Variants in NPIPA5 observed in about 807,000 individuals in gnomAD.
NPIPA5 encodes nuclear pore complex-interacting protein family member A5.
A neutral mutation model predicts 21.4 loss-of-function variants in NPIPA5; 6 were observed. That is an observed-to-expected ratio of 0.28 (90% confidence interval 0.15 to 0.55). NPIPA5 has a LOEUF of 0.55. Ranked by LOEUF, NPIPA5 falls within the 20% of genes least tolerant of loss-of-function variation. The probability of loss-of-function intolerance (pLI) is 0.93; values close to 1 mark genes in which losing one functional copy is unlikely to be tolerated. For synonymous variants in NPIPA5, 33 were observed against 115.3 expected, an observed-to-expected ratio of 0.29 and a Z score of 4.57; for missense variants, 99 against 318.2, an observed-to-expected ratio of 0.31 and a Z score of 5.24.
intron 2 of NPIPA5, among the ~76,000 whole-genome samples, chr16:15,372,688 C>T (rs1175433719): frequency 6.9e-6 from 1 of 145,752 alleles, no homozygotes; most frequent in Non-Finnish European, 1.5e-5. Context: ...TTCCTCTTCC[C>T]TTGAATATCA....
chr16:15,379,985 CTGTG>C (rs370938234), upstream of NPIPA5, among the ~76,000 whole-genome samples: 1,243 of 143,540 alleles, frequency 8.7e-3, 6 homozygotes, highest in Non-Finnish European at 0.013. Context: ...GTGTGTGTGT[CTGTG>C]TGTGTGTGTG....
upstream of NPIPA5, chr16:15,380,832 A>G (rs1050271806): frequency 3.3e-6 from 2 of 608,110 alleles, no homozygotes. Flanking sequence ...GAGACTGCGT[A>G]AGCTTCCCCC....
At chr16:15,379,744 A>C (rs1011550933), upstream of NPIPA5, among the ~76,000 whole-genome samples, 1 of 152,066 alleles carries the variant, frequency 6.6e-6, no homozygotes, top group Non-Finnish European at 1.5e-5. Context: ...TTAGGGGTTG[A>C]CACGAGCCTG....
At chr16:15,368,432 G>A (rs4090618) in intron 4 of NPIPA5, among the ~76,000 whole-genome samples, 1 of 152,102 alleles carries the variant, frequency 6.6e-6, no homozygotes, top group African/African-American at 2.4e-5. Context: ...CTAGGTCTCA[G>A]TTCATTGCTA....
chr16:15,363,691 G>C lies in NPIPA5; in HGVS notation c.1021C>G (p.His341Asp). ...PPECVCSLPF[H>D]PQRMIISRN The stretch of plus-strand genomic sequence containing the variant: ...CTTGAGATTATCATCCGCTGAGGGT[G>C]GAAGGGGAGTGAGCAGACACACTCG... Residue 341 changes from histidine to aspartate, a missense_variant, in exon 8 of 8, where the codon CAC (histidine) becomes GAC (aspartate). Physicochemically the swap from His to Asp is moderately conservative, Grantham distance 81. Around this residue, in one of 5 missense-constraint regions of NPIPA5, gnomAD observed 75 missense variants for 138.5 expected, o/e 0.54. Transcript: ENST00000360151. 6.7e-7 allele frequency: 1 copy of C among 1,495,230 alleles called. No individual in the cohort carries two copies. Among genetic ancestry groups the C allele is most frequent in the Non-Finnish European group, 9.0e-7 (1 of 1,116,430 alleles). 92.6% of individuals were successfully genotyped at this position (1,495,230 alleles called of 1,614,324 possible). A position where few individuals can be genotyped will look rare whatever the true frequency, so the allele number is the denominator to read the frequency against.
chr16:15,368,287 A>G (rs1365719386), intron 4 of NPIPA5, among the ~76,000 whole-genome samples: 76 of 150,810 alleles, frequency 5.0e-4, no homozygotes, highest in Non-Finnish European at 1.6e-4. Flanking sequence ...ATCAGAATAG[A>G]GGTGGACAGG....
At chr16:15,376,922 C>T (rs1401168472) in intron 1 of NPIPA5, among the ~76,000 whole-genome samples, 15 of 151,928 alleles carry the variant, frequency 9.9e-5, no homozygotes, top group South Asian at 2.1e-4. Flanking sequence ...TGCAGTGAGC[C>T]GAGATCTTGC....
rs542159076 is a variant in NPIPA5, at chr16:15,369,440, T to G, written c.437+272A>C. 7.6e-4 allele frequency among the ~76,000 whole-genome samples: 110 copies of G among 144,564 alleles called. 2 individuals carry two copies. The highest frequency in any genetic ancestry group is 2.6e-3 in the African/African-American group (99 of 38,440). 94.8% of individuals were successfully genotyped at this position (144,564 alleles called of 152,430 possible). On this transcript the variant is annotated intron_variant, in intron 4 of 7. Coordinates refer to ENST00000360151, the MANE Select transcript of NPIPA5 (RefSeq NM_001277325.2). Reference sequence around the variant, plus strand: ...ACGGCCTGGGCAACAAGAGCAAAGCTCCGTCTCAGGAAAAAAAAAAAAAGA... The same window carrying G: ...ACGGCCTGGGCAACAAGAGCAAAGCGCCGTCTCAGGAAAAAAAAAAAAAGA...
upstream of NPIPA5, among the ~76,000 whole-genome samples, chr16:15,380,400 A>G (rs2050411560): frequency 6.6e-6 from 1 of 151,372 alleles, no homozygotes; most frequent in Non-Finnish European, 1.5e-5. Flanking sequence ...TCGGCCCACT[A>G]AAACCTCCAC....
chr16:15,363,721 G>A lies in NPIPA5; in HGVS notation c.991C>T (p.Pro331Ser). ...GGGAGTGAGCAGACACACTCGGGAG[G>A]TGTCTTGAGATTATCATCCGCTGAG... Reference protein sequence around the residue: ...PPSADDNLKTPPECVCSLPFH... With the variant: ...PPSADDNLKTSPECVCSLPFH... The change falls in exon 8 of 8, where the codon CCT becomes TCT. Residue 331 changes from proline (P) to serine (S), a missense_variant. Transcript: ENST00000360151. 1.6e-5 allele frequency: 23 copies of A among 1,433,652 alleles called. No homozygotes were observed. Among genetic ancestry groups the A allele is most frequent in the Non-Finnish European group, 2.0e-5 (22 of 1,079,068 alleles). 88.8% of individuals were successfully genotyped at this position (1,433,652 alleles called of 1,614,324 possible).
chr16:15,369,253 C>T (rs1214214622), intron 4 of NPIPA5, among the ~76,000 whole-genome samples: 6 of 147,502 alleles, frequency 4.1e-5, no homozygotes, highest in East Asian at 2.1e-4. Context: ...GTCAGAAGTT[C>T]GAGACCAGTC....
intron 4 of NPIPA5, among the ~76,000 whole-genome samples, 168 bp from the exon 5 acceptor site, chr16:15,366,928 A>AT (rs764521829): frequency 0.014 from 2,167 of 152,130 alleles, 28 homozygotes; most frequent in Non-Finnish European, 0.023. Flanking sequence ...CCATTGAGGG[A>AT]TAAAAAAAAA....
At chr16:15,376,386 G>C (rs1360537217) in intron 1 of NPIPA5, among the ~76,000 whole-genome samples, 1 of 149,730 alleles carries the variant, frequency 6.7e-6, no homozygotes, top group Non-Finnish European at 1.5e-5. Context: ...AAATTAGCTG[G>C]GAGTGGTGGC....
rs1274059714 is a variant in NPIPA5 at position 15,363,902 on chromosome 16, C to T, written c.810G>A (p.Leu270=). 12 of 1,604,046 alleles carry T rather than the reference C, an allele frequency of 7.5e-6. 1 individual carries two copies. In the Middle Eastern group the frequency reaches 9.2e-4, roughly 123 times the overall value. The change falls in exon 8 of 8, where the codon CTG becomes CTA. Residue 270 remains leucine, a synonymous_variant. Coordinates refer to ENST00000360151, the MANE Select transcript of NPIPA5 (RefSeq NM_001277325.2). ...CCGCTGAGGGTGGAAGGGGATAGAG[C>T]AGACGCTCGGAAGGTGTCTTGAGGC... ...SLSLKTPSER[L]LYPLPPSADD...
chr16:15,369,528 C>T (rs2050088772), intron 4 of NPIPA5, among the ~76,000 whole-genome samples, 184 bp downstream of exon 4: 1 of 150,906 alleles, frequency 6.6e-6, no homozygotes, highest in South Asian at 2.1e-4. Flanking sequence ...AAATGACAAA[C>T]AAGATTGTAG....
intron 1 of NPIPA5, among the ~76,000 whole-genome samples, chr16:15,375,001 A>T (rs1458830850): frequency 6.7e-6 from 1 of 148,886 alleles, no homozygotes. Context: ...GCATGATCTC[A>T]GCTCACTGCA....
At chr16:15,380,327 A>ATTT (rs201469564), upstream of NPIPA5, among the ~76,000 whole-genome samples, 24 of 140,728 alleles carry the variant, frequency 1.7e-4, no homozygotes, top group Admixed American at 2.9e-4. Context: ...TTGCAGGATA[A>ATTT]TTTTTTTTTT....
chr16:15,372,501 A>AG (rs2050183693), intron 2 of NPIPA5, among the ~76,000 whole-genome samples: 1 of 146,092 alleles, frequency 6.8e-6, no homozygotes, highest in African/African-American at 2.5e-5. Flanking sequence ...AGAAAAGAAA[A>AG]AAAAAAAAAG....
At chr16:15,379,088 C>T (rs1454942502), upstream of NPIPA5, among the ~76,000 whole-genome samples, 3 of 152,042 alleles carry the variant, frequency 2.0e-5, no homozygotes, top group African/African-American at 7.2e-5. Flanking sequence ...AGGCCTTCTG[C>T]CCGATCACAC....
Sources: allele counts gnomAD v4.1 joint callset (sites outside exome capture counted in the v4.1 genomes callset), GRCh38; gene constraint gnomAD v4.1.1; regional missense constraint gnomAD v4.1.1; transcripts MANE v1.5; gene names NCBI Gene and HGNC (gene_info 2026-07-23, HGNC 2026-07-21).